REXO1: variants seen among roughly 807,000 people sequenced by gnomAD.
REXO1 encodes the protein RNA exonuclease 1 homolog.
A neutral mutation model predicts 102.6 loss-of-function variants in REXO1; 42 were observed. The ratio of observed to expected loss-of-function variants is 0.41; its 90% CI spans 0.32 to 0.53. REXO1 has a LOEUF of 0.53. Among genes scored for constraint, REXO1 ranks in the 20% least tolerant of loss-of-function variants. The pLI is 0.27. For synonymous variants in REXO1, 908 were observed against 779.1 expected (o/e 1.17, Z -2.76); for missense variants, 1,819 against 1,732.5 (o/e 1.05, Z -0.89).
chr19:1,823,847 C>A, intron 3 of REXO1, 62 bp from the exon 4 acceptor site: 1 of 807,468 alleles, frequency 1.2e-6, no homozygotes, highest in Non-Finnish European at 1.7e-6. Flanking sequence ...CAGGCGACCC[C>A]GGGCAGGCTT....
chr19:1,825,128 C>T (rs895639351), intron 3 of REXO1, among the ~76,000 whole-genome samples: 7 of 149,870 alleles, frequency 4.7e-5, no homozygotes, highest in Non-Finnish European at 1.0e-4. Flanking sequence ...GGTGAAACCC[C>T]GTCTCTACTA....
rs560286018 is a variant in REXO1, at chr19:1,828,540, C to G, written c.249G>C (p.Pro83=). The G allele has an allele frequency of 1.2e-6, 2 of 1,604,310 alleles. No individual in the cohort carries two copies. The highest frequency in any genetic ancestry group is 2.2e-5 in the South Asian group (2 of 91,078). Residue 83 remains proline, a synonymous_variant, in exon 2 of 16, where the codon CCG becomes CCC. Transcript: ENST00000170168. ...TGACCAGCTCCAACTCCAGCACATC[C>G]GGGCGCGGCTCCTCCCCCAGGCCCA... ...GTLGLGEEPR[P]DVLELELVNQ...
intron 1 of REXO1, among the ~76,000 whole-genome samples, chr19:1,837,165 A>G (rs1294088871): frequency 6.6e-6 from 1 of 152,222 alleles, no homozygotes; most frequent in Non-Finnish European, 1.5e-5. Context: ...CGCCCATCCC[A>G]TAACAGACCC....
Position 1,826,767 on chromosome 19 carries a change from C to CTCCA in REXO1, c.1911+107_1911+110dup. 1 of 1,489,822 alleles carries CTCCA rather than the reference C, an allele frequency of 6.7e-7. No homozygotes were observed. Among genetic ancestry groups the CTCCA allele is most frequent in the Non-Finnish European group, 8.9e-7 (1 of 1,123,566 alleles). 92.3% of individuals were successfully genotyped at this position (1,489,822 alleles called of 1,614,324 possible). A position where few individuals can be genotyped will look rare whatever the true frequency, so the allele number is the denominator to read the frequency against. On this transcript the variant is annotated intron_variant, in intron 2 of 15. Transcript: ENST00000170168. This position sits in a 1 kb window ranked among gnomAD's most constrained non-coding sequence, Gnocchi z 4.3. ...TCAGGGACCAGCACTGAGGAGCTGC[C>CTCCA]TCCACCCCGTGCCTCCGAGCCAACT...
chr19:1,817,874 G>C (rs954076195), intron 10 of REXO1, 94 bp from the exon 11 acceptor site: 29 of 1,005,656 alleles, frequency 2.9e-5, no homozygotes, highest in Non-Finnish European at 4.1e-5. Context: ...GCCCTACTAG[G>C]GAGTGAGGAC....
At chr19:1,836,140 T>C (rs1048557278) in intron 1 of REXO1, among the ~76,000 whole-genome samples, 1 of 152,186 alleles carries the variant, frequency 6.6e-6, no homozygotes, top group African/African-American at 2.4e-5. Flanking sequence ...CTGCTCCCAC[T>C]GCCCCCGCCC....
intron 1 of REXO1, among the ~76,000 whole-genome samples, chr19:1,831,915 C>A (rs1399228617): frequency 2.0e-5 from 3 of 151,342 alleles, no homozygotes; most frequent in East Asian, 3.9e-4. Context: ...TCCCAAGCTG[C>A]TCCCCCGAGA....
chr19:1,817,625 G>C, intron 11 of REXO1, 82 bp downstream of exon 11: 1 of 1,491,824 alleles, frequency 6.7e-7, no homozygotes, highest in Non-Finnish European at 9.1e-7. Flanking sequence ...GGACTGTGCT[G>C]TGTCCCGAGA....
chr19:1,832,452 C>G (rs1340624529), intron 1 of REXO1, among the ~76,000 whole-genome samples: 2 of 152,240 alleles, frequency 1.3e-5, no homozygotes, highest in Non-Finnish European at 2.9e-5. Context: ...CCCGGGAACC[C>G]TGCAGGGACA....
chr19:1,848,320 G>T lies in REXO1; in HGVS notation c.39C>A (p.Cys13Ter). 8.1e-7 allele frequency: 1 copy of T among 1,228,248 alleles called. No individual in the cohort carries two copies. Among genetic ancestry groups the T allele is most frequent in the Non-Finnish European group, 1.0e-6 (1 of 978,662 alleles). The allele number at this position is 1,228,248 out of a possible 1,614,324, so 76.1% of individuals were successfully genotyped here. The change falls in exon 1 of 16, where the codon TGC (cysteine) becomes TGA (stop). Residue 13 changes from cysteine (C) to a stop codon, truncating the protein, a stop_gained. Transcript: ENST00000170168. LOFTEE classifies it high-confidence loss of function. ...CCCCGGGCGCCCCAGACCAATAGGG[G>T]CAGTCAATGGCCCGGAAGAAGCCAG... is the stretch of plus-strand genomic sequence containing the variant. The part of the protein sequence containing the change: ...RSTGFFRAID[C>*]PYWSGAPGGP...
chr19:1,845,531 T>C (rs562784992), intron 1 of REXO1, among the ~76,000 whole-genome samples: 1 of 152,252 alleles, frequency 6.6e-6, no homozygotes, highest in East Asian at 1.9e-4. Context: ...AGGTGTGATG[T>C]CACATGCCTG....
chr19:1,825,815 TG>T, intron 3 of REXO1, 23 bp downstream of exon 3: 1 of 1,360,782 alleles, frequency 7.3e-7, no homozygotes, highest in Non-Finnish European at 1.0e-6. Flanking sequence ...AGGCTCCTGC[TG>T]GCCTGGCCTC....
In REXO1 at chr19:1,828,406, G is replaced by A. The variant is rs751899214; in HGVS notation, c.383C>T (p.Ala128Val). 20 of 1,607,442 alleles carry A rather than the reference G, an allele frequency of 1.2e-5. 1 individual carries two copies. The highest frequency in any genetic ancestry group is 4.5e-5 in the East Asian group (2 of 44,684). Residue 128 changes from alanine to valine, a missense_variant, in exon 2 of 16, where the codon GCG (alanine) becomes GTG (valine). Coordinates refer to ENST00000170168, the MANE Select transcript of REXO1 (RefSeq NM_020695.4). ...EHRSAEAPALAPRGPNASPTV... is the reference protein window; with the variant it reads ...EHRSAEAPALVPRGPNASPTV... ...GGGGCTGGCGTTGGGGCCGCGGGGC[G>A]CCAGGGCGGGGGCCTCGGCGGAGCG...
In REXO1 at chr19:1,827,616, G is replaced by A. The variant is rs370359995; in HGVS notation, c.1173C>T (p.Asp391=). Reference sequence around the variant, plus strand: ...TGGTCTTGTCCTTCCCCTGGGCCCCGTCTTTGCAGCTGGGGGCAGGTGGGG... The same window carrying A: ...TGGTCTTGTCCTTCCCCTGGGCCCCATCTTTGCAGCTGGGGGCAGGTGGGG... ...TGAPPAPSCK[D]GAQGKDKTKD... The change falls in exon 2 of 16, where the codon GAC becomes GAT. Residue 391 remains aspartate (D), a synonymous_variant. Coordinates refer to ENST00000170168, the MANE Select transcript of REXO1 (RefSeq NM_020695.4). 346 of 1,580,398 alleles carry A rather than the reference G, an allele frequency of 2.2e-4. No homozygotes were observed. Among genetic ancestry groups the A allele is most frequent in the African/African-American group, 4.8e-4 (35 of 72,838 alleles).
At position 1,815,711 on chromosome 19, in the gene REXO1, A is replaced by AC. The variant is rs201158917; in HGVS notation, c.*354dup. 1,645 of 1,371,760 alleles carry AC rather than the reference A, an allele frequency of 1.2e-3. 23 individuals are homozygous for AC. The African/African-American group carries it at 0.022, about 18-fold the overall frequency. 85.0% of individuals were successfully genotyped at this position (1,371,760 alleles called of 1,614,324 possible). ...AAACCTGGGACAAGCCCGCCCCGCGACCCACGTGAGGAGCAGAGGTGCCGG... is the reference window on the plus strand; with the variant it reads ...AAACCTGGGACAAGCCCGCCCCGCGACCCCACGTGAGGAGCAGAGGTGCCGG... On this transcript the variant is annotated 3_prime_UTR_variant, in exon 16 of 16. Coordinates refer to ENST00000170168, the MANE Select transcript of REXO1 (RefSeq NM_020695.4). This position sits in a 1 kb window ranked among gnomAD's most constrained non-coding sequence, Gnocchi z 4.0.
intron 1 of REXO1, chr19:1,835,017 G>C (rs761460088): frequency 5.3e-5 from 22 of 414,256 alleles, no homozygotes; most frequent in South Asian, 2.3e-4. Context: ...TTTCACACAG[G>C]AAGTTGCCTG....
intron 1 of REXO1, among the ~76,000 whole-genome samples, chr19:1,845,819 C>T (rs1309653015): frequency 1.3e-5 from 2 of 152,166 alleles, no homozygotes; most frequent in Non-Finnish European, 2.9e-5. Flanking sequence ...CTGTTCCCGT[C>T]GCAGCTCCGC....
intron 1 of REXO1, among the ~76,000 whole-genome samples, chr19:1,841,210 GTTTAT>G (rs1811288203): frequency 6.6e-6 from 1 of 152,114 alleles, no homozygotes; most frequent in African/African-American, 2.4e-5. Flanking sequence ...CTTCTACCCT[GTTTAT>G]TTTCTTTTCA....
At chr19:1,823,454 A>G (rs1413927422) in intron 4 of REXO1, 118 bp downstream of exon 4, 3 of 716,678 alleles carry the variant, frequency 4.2e-6, no homozygotes, top group Non-Finnish European at 3.9e-6. Context: ...AGGGGGCCCA[A>G]AGTCATCCCA....
Sources: gnomAD v4.1 joint callset for allele counts (sites outside exome capture counted in the v4.1 genomes callset) on GRCh38, gnomAD v4.1.1 for gene constraint, Gnocchi (gnomAD v3.1) non-coding constraint, MANE v1.5 for transcripts, NCBI Gene and HGNC (gene_info 2026-07-23, HGNC 2026-07-21) for gene names.